The following CALCA variants were observed in gnomAD, a reference collection of about 807,000 sequenced individuals.
The protein encoded by CALCA is calcitonin related polypeptide alpha, also known as calcitonin.
In CALCA, 4 loss-of-function variants were observed where a neutral mutation model predicts 6.9. That is an observed-to-expected ratio of 0.58 (90% CI 0.29 to 1.33). The LOEUF (loss-of-function observed/expected upper bound fraction) is 1.33, where lower values mean the gene tolerates loss of function less well. Among genes scored for constraint, CALCA ranks in the 40% most tolerant of loss-of-function variants. The pLI, the probability that CALCA is intolerant of heterozygous loss-of-function variation, is 0.09. For synonymous variants in CALCA, 78 were observed against 70.0 expected (o/e 1.11, Z -0.57); for missense variants, 174 against 178.3 (o/e 0.98, Z 0.14).
At chr11:14,971,860 C>T (rs955105212) in intron 1 of CALCA, among the ~76,000 whole-genome samples, 2 of 152,200 alleles carry the variant, frequency 1.3e-5, no homozygotes, top group African/African-American at 4.8e-5. Flanking sequence ...CCCATCCGCT[C>T]TGTTCCAGGT....
Position 14,971,181 on chromosome 11 carries a change from T to G in CALCA, c.12A>C (p.Gln4His). 1 of 1,613,960 alleles carries G rather than the reference T, an allele frequency of 6.2e-7. No individual in the cohort carries two copies. The highest frequency in any genetic ancestry group is 8.5e-7 in the Non-Finnish European group (1 of 1,179,938). Residue 4 changes from glutamine (Q) to histidine (H), a missense_variant, in exon 2 of 4, where the codon CAA becomes CAC. Gln to His is a conservative substitution (Grantham distance 24, BLOSUM62 0). Coordinates refer to ENST00000331587, the MANE Select transcript of CALCA (RefSeq NM_001741.3). MGF[Q>H]KFSPFLALSI... Reference sequence around the variant, plus strand: ...TGAGAGCCAGGAAGGGGGAGAACTTTTGGAAGCCCATGACACCTCTCTGCA... The same window carrying G: ...TGAGAGCCAGGAAGGGGGAGAACTTGTGGAAGCCCATGACACCTCTCTGCA...
At chr11:14,970,381 A>T (rs540536164) in intron 2 of CALCA, among the ~76,000 whole-genome samples, 35 of 152,362 alleles carry the variant, frequency 2.3e-4, no homozygotes, top group African/African-American at 8.4e-4. Flanking sequence ...TTAGTGCTGA[A>T]CCTGAAAATA....
In CALCA at chr11:14,969,920, C is replaced by G; in HGVS notation, c.227+15G>C. 6.2e-7 allele frequency: 1 copy of G among 1,612,456 alleles called. No homozygotes were observed. ...GGGAGAGGAGGCCCTGTGCTGAGCG[C>G]TTGGGGAGCCTCACCTGGAGCCCTC... On this transcript the variant is annotated intron_variant, in intron 3 of 3. Coordinates refer to ENST00000331587, the MANE Select transcript of CALCA (RefSeq NM_001741.3).
intron 1 of CALCA, among the ~76,000 whole-genome samples, chr11:14,971,725 C>A (rs1849610369): frequency 6.6e-6 from 1 of 152,158 alleles, no homozygotes; most frequent in African/African-American, 2.4e-5. Context: ...CACCTCAGTC[C>A]CCTGCAGGAA....
downstream of CALCA, chr11:14,967,562 T>C: frequency 7.8e-7 from 1 of 1,273,892 alleles, no homozygotes; most frequent in Non-Finnish European, 1.1e-6. Context: ...TGTGGGTACC[T>C]TCCCTTATGG....
downstream of CALCA, among the ~76,000 whole-genome samples, chr11:14,967,399 G>A (rs1189194853): frequency 2.6e-5 from 4 of 152,140 alleles, no homozygotes; most frequent in Non-Finnish European, 5.9e-5. Flanking sequence ...TCAAAGGCTA[G>A]AATAATCAAA....
At chr11:14,970,984 T>C in intron 2 of CALCA, 123 bp downstream of exon 2, 1 of 734,950 alleles carries the variant, frequency 1.4e-6, no homozygotes, top group Non-Finnish European at 2.5e-6. Context: ...CAAAAAATTA[T>C]ATATGTGCAT....
downstream of CALCA, chr11:14,967,688 C>T (rs782364616): frequency 3.2e-5 from 52 of 1,613,842 alleles, no homozygotes; most frequent in Non-Finnish European, 3.7e-5. Flanking sequence ...TTGAGTCATT[C>T]AGCTGCTCAG....
At position 14,968,800 on chromosome 11, in the gene CALCA, T is replaced by G; in HGVS notation, c.425A>C (p.Ter142SerextTer7). ...AAATTAGGAAGGAAAGGGAGGAGTT[T>G]AGTTGGCATTCTGGGGCATGCTAAC... ...PHVSMPQNAN* is the reference protein window; with the variant it reads ...PHVSMPQNANS The change falls in exon 4 of 4, where the codon TAA (stop) becomes TCA (serine). Residue 142 changes from the stop codon to serine (S), a stop_lost. Transcript: ENST00000331587. The G allele has an allele frequency of 6.2e-7, 1 of 1,614,176 alleles. No homozygotes were observed. Among genetic ancestry groups the G allele is most frequent in the Non-Finnish European group, 8.5e-7 (1 of 1,180,032 alleles).
At chr11:14,967,575 T>A (rs2956), downstream of CALCA, 417,661 of 1,427,842 alleles carry the variant, frequency 0.29, 64,802 homozygotes, top group Admixed American at 0.44. Context: ...CCTTATGGAT[T>A]TTTTAAAACC....
intron 1 of CALCA, among the ~76,000 whole-genome samples, chr11:14,971,654 A>C (rs538568545): frequency 6.6e-6 from 1 of 152,282 alleles, no homozygotes; most frequent in South Asian, 2.1e-4. Context: ...TTATCTCTGC[A>C]ATTGGAATCT....
chr11:14,967,306 G>A (rs1405416271), downstream of CALCA, among the ~76,000 whole-genome samples: 1 of 152,144 alleles, frequency 6.6e-6, no homozygotes, highest in African/African-American at 2.4e-5. Context: ...TACAGTTCTT[G>A]AACTCAAGTC....
rs1555026431 is a variant in CALCA, at chr11:14,971,145, G to C, written c.48C>G (p.Val16=). Residue 16 remains valine, a synonymous_variant, in exon 2 of 4, where the codon GTC becomes GTG. Transcript: ENST00000331587. ...CATGGAGGCTGCCTGCCTGCAACAGGACCAAGATGCTGAGAGCCAGGAAGG... is the reference window on the plus strand; with the variant it reads ...CATGGAGGCTGCCTGCCTGCAACAGCACCAAGATGCTGAGAGCCAGGAAGG... The part of the protein sequence containing the change: ...FSPFLALSIL[V]LLQAGSLHAA... 1 of 1,614,092 alleles carries C rather than the reference G, an allele frequency of 6.2e-7. No individual in the cohort carries two copies.
chr11:14,967,295 A>G (rs1555025520), downstream of CALCA, among the ~76,000 whole-genome samples: 1 of 152,222 alleles, frequency 6.6e-6, no homozygotes, highest in Non-Finnish European at 1.5e-5. Flanking sequence ...TAAAGGGCAA[A>G]TACAGTTCTT....
At chr11:14,969,805 C>T (rs1849549715) in intron 3 of CALCA, 130 bp downstream of exon 3, 1 of 1,425,564 alleles carries the variant, frequency 7.0e-7, no homozygotes, top group Non-Finnish European at 9.8e-7. Flanking sequence ...CAGCTGGGCC[C>T]CAGGTCCCGG....
At chr11:14,970,510 C>G (rs1157691748) in intron 2 of CALCA, among the ~76,000 whole-genome samples, 1 of 152,120 alleles carries the variant, frequency 6.6e-6, no homozygotes, top group Non-Finnish European at 1.5e-5. Flanking sequence ...ATTCATTTTT[C>G]AAATCATGGC....
downstream of CALCA, chr11:14,967,688 C>G: frequency 6.2e-7 from 1 of 1,613,960 alleles, no homozygotes; most frequent in Non-Finnish European, 8.5e-7. Context: ...TTGAGTCATT[C>G]AGCTGCTCAG....
chr11:14,971,160 A>T lies in CALCA; in HGVS notation c.33T>A (p.Ala11=). 9 of 1,614,098 alleles carry T rather than the reference A, an allele frequency of 5.6e-6. No homozygotes were observed. Among genetic ancestry groups the T allele is most frequent in the Non-Finnish European group, 7.6e-6 (9 of 1,179,986 alleles). ...CCTGCAACAGGACCAAGATGCTGAG[A>T]GCCAGGAAGGGGGAGAACTTTTGGA... MGFQKFSPFL[A]LSILVLLQAG... The change falls in exon 2 of 4, where the codon GCT becomes GCA. Residue 11 remains alanine (A), a synonymous_variant. Transcript: ENST00000331587.
Position 14,970,003 on chromosome 11 carries a change from T to A in CALCA, c.159A>T (p.Ala53=). ...SEDEARLLLA[A]LVQDYVQMKA... ...TCATCTGCACATAGTCCTGCACCAGTGCAGCCAGCAGGAGGCGCGCTTCGT... is the reference window on the plus strand; with the variant it reads ...TCATCTGCACATAGTCCTGCACCAGAGCAGCCAGCAGGAGGCGCGCTTCGT... The change falls in exon 3 of 4, where the codon GCA becomes GCT. Residue 53 remains alanine, a synonymous_variant. Transcript: ENST00000331587. 6.2e-7 allele frequency: 1 copy of A among 1,614,172 alleles called. No homozygotes were observed. The highest frequency in any genetic ancestry group is 1.7e-5 in the Admixed American group (1 of 60,032).
Sources: gnomAD v4.1 joint callset for allele counts (sites outside exome capture counted in the v4.1 genomes callset) on GRCh38, gnomAD v4.1.1 for gene constraint, MANE v1.5 for transcripts, NCBI Gene and HGNC (gene_info 2026-07-23, HGNC 2026-07-21) for gene names.